Variants in GALNT13 observed in about 807,000 individuals in gnomAD.
GALNT13 encodes the protein UDP-GalNAc:polypeptide N-acetylgalactosaminyltransferase 13.
A neutral mutation model predicts 64.2 loss-of-function variants in GALNT13; 28 were observed. That is an observed-to-expected ratio of 0.44 (90% CI 0.32 to 0.60). GALNT13 has a LOEUF of 0.60. Ranked by LOEUF, GALNT13 falls within the 20% of genes least tolerant of loss-of-function variation. The probability of loss-of-function intolerance (pLI) is 0.05; values close to 1 mark genes in which losing one functional copy is unlikely to be tolerated. For synonymous variants in GALNT13, 214 were observed against 224.6 expected, an observed-to-expected ratio of 0.95 and a Z score of 0.42; for missense variants, 577 against 669.8, an observed-to-expected ratio of 0.86 and a Z score of 1.53.
the GALNT13 span, among the ~76,000 whole-genome samples, chr2:153,711,416 G>A: frequency 0.16 from 23,690 of 151,984 alleles, 3,244 homozygotes; most frequent in African/African-American, 0.36. Flanking sequence ...GCTCAGTACC[G>A]TGTACTAGGA....
chr2:153,412,876 T>C, the GALNT13 span, among the ~76,000 whole-genome samples: 9 of 152,310 alleles, frequency 5.9e-5, no homozygotes, highest in African/African-American at 2.2e-4. Flanking sequence ...AGAGCAATAC[T>C]TTCTCAAAAG....
chr2:154,433,238 A>T (rs1574296144), intron 11 of GALNT13, among the ~76,000 whole-genome samples: 1 of 152,272 alleles, frequency 6.6e-6, no homozygotes, highest in South Asian at 2.1e-4. Context: ...GAATACAGGG[A>T]GCTGACTGCA....
the GALNT13 span, among the ~76,000 whole-genome samples, chr2:153,815,031 G>T: frequency 3.3e-5 from 5 of 152,130 alleles, 1 homozygote; most frequent in African/African-American, 7.2e-5. Context: ...ATGTGTAAGA[G>T]ATATTTAAAT....
At chr2:153,305,377 TCTG>T in the GALNT13 span, among the ~76,000 whole-genome samples, 8 of 152,290 alleles carry the variant, frequency 5.3e-5, no homozygotes, top group East Asian at 1.5e-3. Flanking sequence ...CACCTTGTAT[TCTG>T]CTGCCTTTTA....
At chr2:153,873,526 A>G (rs192357654) in intron 1 of GALNT13, among the ~76,000 whole-genome samples, 233 of 152,294 alleles carry the variant, frequency 1.5e-3, no homozygotes, top group African/African-American at 5.5e-3. Context: ...GTTCAGGGAA[A>G]CTAACCTCGA....
chr2:153,206,191 A>G, the GALNT13 span, among the ~76,000 whole-genome samples: 2 of 152,050 alleles, frequency 1.3e-5, no homozygotes, highest in African/African-American at 2.4e-5. Flanking sequence ...ACAGAATTTG[A>G]GGGTTTGTTG....
At chr2:153,780,234 T>TATATATATATATATGC in the GALNT13 span, among the ~76,000 whole-genome samples, 1 of 10,568 alleles carries the variant, frequency 9.5e-5, no homozygotes, top group African/African-American at 2.1e-4. Context: ...TATATATATA[T>TATATATATATATATGC]ATATATATAT....
the GALNT13 span, among the ~76,000 whole-genome samples, chr2:153,771,878 A>G: frequency 1.3e-5 from 2 of 152,196 alleles, no homozygotes; most frequent in Admixed American, 6.5e-5. Context: ...CAAGAGAAGG[A>G]TGGGTTGGAC....
intron 8 of GALNT13, among the ~76,000 whole-genome samples, 179 bp from the exon 9 acceptor site, chr2:154,301,230 T>C (rs1693422656): frequency 2.0e-5 from 3 of 152,194 alleles, no homozygotes; most frequent in Admixed American, 1.3e-4. Context: ...AGTATTTAAA[T>C]ATATCAAGAT....
At chr2:153,522,955 T>C in the GALNT13 span, among the ~76,000 whole-genome samples, 1 of 152,024 alleles carries the variant, frequency 6.6e-6, no homozygotes, top group African/African-American at 2.4e-5. Context: ...TGTTATCTCT[T>C]CAAAGGTTGA....
At chr2:153,573,384 T>C in the GALNT13 span, among the ~76,000 whole-genome samples, 31 of 152,148 alleles carry the variant, frequency 2.0e-4, no homozygotes, top group Admixed American at 3.3e-4. Flanking sequence ...GGTCTTGTTT[T>C]TCTCATCCAT....
At chr2:153,323,444 G>C in the GALNT13 span, among the ~76,000 whole-genome samples, 1,375 of 152,168 alleles carry the variant, frequency 9.0e-3, 26 homozygotes, top group East Asian at 0.085. Context: ...TAGGTTGCCT[G>C]TTCACTCTGA....
chr2:154,424,173 C>T (rs990204549), intron 11 of GALNT13, among the ~76,000 whole-genome samples: 3 of 152,028 alleles, frequency 2.0e-5, no homozygotes, highest in East Asian at 1.9e-4. Flanking sequence ...CGTAGGGGAA[C>T]ATGATGGAAA....
At chr2:153,260,301 C>G in the GALNT13 span, among the ~76,000 whole-genome samples, 1 of 152,094 alleles carries the variant, frequency 6.6e-6, no homozygotes, top group Non-Finnish European at 1.5e-5. Flanking sequence ...AATTTTATAC[C>G]TTCACATGAT....
chr2:153,409,300 A>G, the GALNT13 span, among the ~76,000 whole-genome samples: 32,969 of 144,026 alleles, frequency 0.23, 3,842 homozygotes, highest in Non-Finnish European at 0.25. Context: ...ATATGTATGT[A>G]TATATATATA....
intron 9 of GALNT13, among the ~76,000 whole-genome samples, chr2:154,330,194 C>A (rs928665738): frequency 1.3e-5 from 2 of 152,072 alleles, no homozygotes; most frequent in African/African-American, 4.8e-5. Flanking sequence ...TTTAAAAATG[C>A]ATTTTAAATA....
intron 9 of GALNT13, among the ~76,000 whole-genome samples, chr2:154,377,032 G>T (rs1260726837): frequency 1.3e-5 from 2 of 152,034 alleles, no homozygotes; most frequent in Non-Finnish European, 2.9e-5. Context: ...ACAATGTTAG[G>T]ATCTACCTAG....
At position 154,407,144 on chromosome 2, in the gene GALNT13, T is replaced by A. The variant is rs1379726295; in HGVS notation, c.1297-1840T>A. On this transcript the variant is annotated intron_variant, in intron 10 of 12. Transcript: ENST00000392825. The stretch of plus-strand genomic sequence containing the variant: ...AAAGCCTTACAAACAATTCAAGCTG[T>A]AACCCCTGTAATTATTAATTAGTGC... 2.6e-5 allele frequency among the ~76,000 whole-genome samples: 4 copies of A among 152,150 alleles called. No homozygotes were observed. In the South Asian group the frequency reaches 6.2e-4, roughly 24 times the overall value.
chr2:153,399,021 T>C, the GALNT13 span, among the ~76,000 whole-genome samples: 23 of 121,260 alleles, frequency 1.9e-4, no homozygotes, highest in Non-Finnish European at 3.1e-4. Context: ...TGAATGGTAA[T>C]GCCTAGGTTT....
Sources: gnomAD v4.1 joint callset for allele counts (sites outside exome capture counted in the v4.1 genomes callset) on GRCh38, gnomAD v4.1.1 for gene constraint, MANE v1.5 for transcripts, NCBI Gene and HGNC (gene_info 2026-07-23, HGNC 2026-07-21) for gene names.